UNC45A: variants seen among roughly 807,000 people sequenced by gnomAD.
UNC45A encodes the protein unc-45 myosin chaperone A.
In UNC45A, 78 loss-of-function variants were observed where a neutral mutation model predicts 103.2. That is an observed-to-expected ratio of 0.76 (90% CI 0.63 to 0.91). The LOEUF (loss-of-function observed/expected upper bound fraction) is 0.91. Ranked by LOEUF, UNC45A falls within the 40% of genes least tolerant of loss-of-function variation. UNC45A has a pLI of 0.00. For synonymous variants in UNC45A, 495 were observed against 504.6 expected, an observed-to-expected ratio of 0.98 and a Z score of 0.25; for missense variants, 1,193 against 1,224.8, an observed-to-expected ratio of 0.97 and a Z score of 0.39.
At chr15:90,951,880 C>G (rs1442921244) in intron 17 of UNC45A, among the ~76,000 whole-genome samples, 1 of 152,114 alleles carries the variant, frequency 6.6e-6, no homozygotes, top group African/African-American at 2.4e-5. Context: ...TGTGATCATG[C>G]CACTTTACTC....
chr15:90,949,562 T>C, intron 14 of UNC45A, 92 bp from the exon 15 acceptor site: 1 of 1,597,922 alleles, frequency 6.3e-7, no homozygotes. Flanking sequence ...GGGGGCTGCC[T>C]GCGTGGCTGC....
chr15:90,946,935 T>TGGGGGGGCGGGGGGG, intron 10 of UNC45A, 21 bp downstream of exon 10: 2 of 866,668 alleles, frequency 2.3e-6, no homozygotes, highest in Non-Finnish European at 3.6e-6. Context: ...GGGCCTGGGG[T>TGGGGGGGCGGGGGGG]GGGTGGGCAG....
At chr15:90,936,521 G>A in intron 4 of UNC45A, 61 bp downstream of exon 4, 3 of 1,563,828 alleles carry the variant, frequency 1.9e-6, no homozygotes, top group Non-Finnish European at 2.6e-6. Context: ...CTGGGCCAGG[G>A]GTGTAGACAC....
chr15:90,954,026 T>G lies in UNC45A; in HGVS notation c.*310T>G. On this transcript the variant is annotated 3_prime_UTR_variant, in exon 20 of 20. Coordinates refer to ENST00000418476, the MANE Select transcript of UNC45A (RefSeq NM_018671.5). ...TGGGGCATCTGGAAGGGCGCACACA[T>G]CAGCAGCCTCACCAGCTGTGAGCCT... 2.5e-6 allele frequency: 1 copy of G among 399,062 alleles called. No individual in the cohort carries two copies. Among genetic ancestry groups the G allele is most frequent in the African/African-American group, 2.0e-5 (1 of 49,354 alleles). 24.7% of individuals were successfully genotyped at this position (399,062 alleles called of 1,614,324 possible).
Position 90,952,967 on chromosome 15 carries a change from A to G in UNC45A, c.2342A>G (p.Glu781Gly). 1 of 1,613,446 alleles carries G rather than the reference A, an allele frequency of 6.2e-7. No homozygotes were observed. Residue 781 changes from glutamate to glycine, a missense_variant, in exon 18 of 20, where the codon GAA (glutamate) becomes GGA (glycine). By Grantham distance (98) the Glu-to-Gly change is moderately conservative (BLOSUM62 -2). Coordinates refer to ENST00000418476, the MANE Select transcript of UNC45A (RefSeq NM_018671.5). Reference sequence around the variant, plus strand: ...AAGGAGAAGGCTGTGCCCATGATAGAAGGCTACATGTTTGAGGAGCATGAG... The same window carrying G: ...AAGGAGAAGGCTGTGCCCATGATAGGAGGCTACATGTTTGAGGAGCATGAG... ...ILKEKAVPMI[E>G]GYMFEEHEMI...
chr15:90,946,942 G>GGGGGGGCGGGGGGGGGGGGGC, intron 10 of UNC45A, 28 bp downstream of exon 10: 1 of 817,442 alleles, frequency 1.2e-6, no homozygotes, highest in Non-Finnish European at 2.0e-6. Context: ...GGGTGGGTGG[G>GGGGGGGCGGGGGGGGGGGGGC]CAGGCAGCCA....
chr15:90,945,763 G>C (rs2151368425), intron 9 of UNC45A, among the ~76,000 whole-genome samples: 2 of 151,322 alleles, frequency 1.3e-5, no homozygotes, highest in South Asian at 4.2e-4. Flanking sequence ...TTCCCAAGTA[G>C]CTGGGATAAT....
intron 17 of UNC45A, 107 bp downstream of exon 17, chr15:90,950,722 A>G (rs1208639214): frequency 7.9e-6 from 9 of 1,137,678 alleles, no homozygotes; most frequent in Non-Finnish European, 1.1e-5. Flanking sequence ...GGCTTCTGTG[A>G]GCCTCACAGT....
chr15:90,953,725 T>A lies in UNC45A; in HGVS notation c.*9T>A. The A allele has an allele frequency of 6.2e-7, 1 of 1,612,424 alleles. No individual in the cohort carries two copies. The highest frequency in any genetic ancestry group is 8.5e-7 in the Non-Finnish European group (1 of 1,179,138). ...ACCAAGATGGAGAGTGAGGGGGTTGTCCCTGGGCCCAAGGCTCATGCACAC... is the reference window on the plus strand; with the variant it reads ...ACCAAGATGGAGAGTGAGGGGGTTGACCCTGGGCCCAAGGCTCATGCACAC... On this transcript the variant is annotated 3_prime_UTR_variant, in exon 20 of 20. Transcript: ENST00000418476.
upstream of UNC45A, chr15:90,931,498 G>A: frequency 6.2e-7 from 1 of 1,614,160 alleles, no homozygotes; most frequent in Non-Finnish European, 8.5e-7. Flanking sequence ...AAGGCCATGA[G>A]TTCCTGATGG....
At chr15:90,935,001 G>A (rs1468589798), upstream of UNC45A, 1 of 532,070 alleles carries the variant, frequency 1.9e-6, no homozygotes, top group Non-Finnish European at 3.3e-6. Context: ...TGACCCTGAT[G>A]ACCGTAGACC....
intron 3 of UNC45A, 49 bp from the exon 4 acceptor site, chr15:90,936,236 T>C (rs974800145): frequency 1.3e-6 from 2 of 1,578,728 alleles, no homozygotes; most frequent in South Asian, 1.2e-5. Context: ...TGCTCTTGCC[T>C]GGAGACAGTG....
chr15:90,937,546 G>C (rs1170316193), intron 4 of UNC45A, among the ~76,000 whole-genome samples: 1 of 151,228 alleles, frequency 6.6e-6, no homozygotes, highest in Non-Finnish European at 1.5e-5. Flanking sequence ...GAGTGCAGTG[G>C]TGCGAACTTG....
chr15:90,942,214 A>C (rs1171891367), intron 6 of UNC45A, among the ~76,000 whole-genome samples: 1 of 152,194 alleles, frequency 6.6e-6, no homozygotes, highest in African/African-American at 2.4e-5. Context: ...AAGGAGAGGT[A>C]GTAGGGCATT....
chr15:90,934,858 A>T (rs1596205221), upstream of UNC45A: 1 of 417,100 alleles, frequency 2.4e-6, no homozygotes, highest in Non-Finnish European at 4.2e-6. Flanking sequence ...CTTTCTCCGG[A>T]CTCCCAGGGA....
At chr15:90,931,276 C>A (rs2035779188), upstream of UNC45A, 2 of 1,550,344 alleles carry the variant, frequency 1.3e-6, no homozygotes, top group Non-Finnish European at 1.7e-6. Flanking sequence ...AAGCACTGAT[C>A]AGATTGTCAG....
chr15:90,935,730 C>G (rs979574143), intron 2 of UNC45A, 25 bp downstream of exon 2: 2 of 1,538,176 alleles, frequency 1.3e-6, no homozygotes, highest in East Asian at 4.5e-5. Flanking sequence ...CGCTCTTCCC[C>G]TCGCCCGCCC....
chr15:90,953,639 G>A lies in UNC45A; in HGVS notation c.2758G>A (p.Val920Ile). Residue 920 changes from valine (V) to isoleucine (I), a missense_variant, in exon 20 of 20, where the codon GTC becomes ATC. By Grantham distance (29) the Val-to-Ile change is conservative (BLOSUM62 3). Transcript: ENST00000418476. ...GCTAGCTAAGGGTGACCACAGCCCT[G>A]TCACAAGGGCTGCTGCAGCCTGCCT... ...SVLAKGDHSP[V>I]TRAAAACLDK... 1.2e-6 allele frequency: 2 copies of A among 1,614,176 alleles called. No homozygotes were observed. Among genetic ancestry groups the A allele is most frequent in the South Asian group, 1.1e-5 (1 of 91,084 alleles).
At chr15:90,932,487 C>G (rs2035838344), upstream of UNC45A, 3 of 1,310,700 alleles carry the variant, frequency 2.3e-6, no homozygotes, top group African/African-American at 4.6e-5. Flanking sequence ...GCTGCCGGTG[C>G]TTGCGAGCCG....
Sources: allele counts gnomAD v4.1 joint callset (sites outside exome capture counted in the v4.1 genomes callset), GRCh38; gene constraint gnomAD v4.1.1; transcripts MANE v1.5; gene names NCBI Gene and HGNC (gene_info 2026-07-23, HGNC 2026-07-21).